The following PDE11A variants were observed in gnomAD, a reference collection of about 807,000 sequenced individuals.
PDE11A encodes phosphodiesterase 11A, also known as dual 3',5'-cyclic-AMP and -GMP phosphodiesterase 11A.
In PDE11A, 100 loss-of-function variants were observed where a neutral mutation model predicts 100.5. The observed-to-expected ratio is 1.00, with a 90% CI of 0.85 to 1.18. The LOEUF is 1.18. PDE11A is among the 50% of genes most tolerant of loss of function. The pLI is 0.00. For missense variants in PDE11A, 1,141 were observed against 1,152.6 expected, an observed-to-expected ratio of 0.99 and a Z score of 0.15; for synonymous variants, 381 against 420.8, an observed-to-expected ratio of 0.91 and a Z score of 1.16.
At chr2:178,086,541 T>C (rs1264351047) in intron 2 of PDE11A, among the ~76,000 whole-genome samples, 1 of 152,242 alleles carries the variant, frequency 6.6e-6, no homozygotes, top group Non-Finnish European at 1.5e-5. Flanking sequence ...CCTATTTTTA[T>C]GATCAAACAG....
intron 2 of PDE11A, among the ~76,000 whole-genome samples, chr2:177,986,837 A>G (rs1476768141): frequency 6.6e-6 from 1 of 151,962 alleles, no homozygotes; most frequent in Non-Finnish European, 1.5e-5. Flanking sequence ...TCTCAAAAAA[A>G]AAAAAAAAGA....
chr2:177,896,548 AACAGTTGCCCCTTCCTGCCT>A (rs2084615156), intron 4 of PDE11A, among the ~76,000 whole-genome samples: 1 of 152,030 alleles, frequency 6.6e-6, no homozygotes, highest in Non-Finnish European at 1.5e-5. Flanking sequence ...CCAAAGCCCC[AACAGTTGCCCCTTCCTGCCT>A]TTGTTTAATG....
chr2:177,835,166 A>G (rs984038363), intron 6 of PDE11A, among the ~76,000 whole-genome samples: 8 of 152,170 alleles, frequency 5.3e-5, no homozygotes, highest in Non-Finnish European at 1.0e-4. Context: ...ACTTGAAGAT[A>G]CAAGGACAGA....
intron 19 of PDE11A, among the ~76,000 whole-genome samples, chr2:177,644,935 T>C (rs1391133215): frequency 6.6e-6 from 1 of 152,242 alleles, no homozygotes; most frequent in African/African-American, 2.4e-5. Flanking sequence ...AATGTGATGC[T>C]CCACCTTGCC....
In PDE11A at chr2:178,072,336, C is replaced by T. The variant is rs1374575371; in HGVS notation, c.102G>A (p.Met34Ile). The T allele has an allele frequency of 1.2e-6, 2 of 1,614,066 alleles. No homozygotes were observed. The highest frequency in any genetic ancestry group is 3.3e-5 in the Admixed American group (2 of 60,006). ...TGTGCCTCTGCAGCCACTTTTCAAC[C>T]ATCTCCTGCTTCCCCTTCCGCATCA... ...DYLMRKGKQE[M>I]VEKWLQRHSQ... The change falls in exon 1 of 20, where the codon ATG becomes ATA. Residue 34 changes from methionine (M) to isoleucine (I), a missense_variant. By Grantham distance (10) the Met-to-Ile change is conservative. Coordinates refer to ENST00000286063, the MANE Select transcript of PDE11A (RefSeq NM_016953.4).
chr2:177,828,854 GA>G (rs1413688948), intron 6 of PDE11A, among the ~76,000 whole-genome samples: 4 of 152,174 alleles, frequency 2.6e-5, no homozygotes, highest in Non-Finnish European at 4.4e-5. Context: ...AGGAGACACT[GA>G]AGAGTGTGTG....
chr2:178,035,483 T>C (rs958707577), intron 1 of PDE11A, among the ~76,000 whole-genome samples: 20 of 152,120 alleles, frequency 1.3e-4, no homozygotes, highest in African/African-American at 4.6e-4. Flanking sequence ...CTGAAACTAT[T>C]CCAATCAATA....
intron 10 of PDE11A, among the ~76,000 whole-genome samples, chr2:177,738,924 G>A (rs1181405317): frequency 6.6e-6 from 1 of 152,208 alleles, no homozygotes; most frequent in Non-Finnish European, 1.5e-5. Context: ...GACCACATGA[G>A]TTGGTTTAGC....
intron 2 of PDE11A, among the ~76,000 whole-genome samples, chr2:177,993,133 A>G (rs977254796): frequency 5.3e-5 from 8 of 152,152 alleles, no homozygotes; most frequent in African/African-American, 1.9e-4. Flanking sequence ...CACCAAGGAA[A>G]TACAGAGCTG....
At position 177,820,210 on chromosome 2, in the gene PDE11A, C is replaced by T. The variant is rs1441770936; in HGVS notation, c.1576+10G>A. ...ATTCAAGAAGTTTAACTATTTAGGT[C>T]ATCTCTTACCAATTATTTGGTGGTT... On this transcript the variant is annotated intron_variant, in intron 7 of 19. Coordinates refer to ENST00000286063, the MANE Select transcript of PDE11A (RefSeq NM_016953.4). 2 of 1,394,426 alleles carry T rather than the reference C, an allele frequency of 1.4e-6. No homozygotes were observed. Among genetic ancestry groups the T allele is most frequent in the Non-Finnish European group, 2.0e-6 (2 of 980,654 alleles). The allele number at this position is 1,394,426 out of a possible 1,614,324, so 86.4% of individuals were successfully genotyped here.
intron 12 of PDE11A, among the ~76,000 whole-genome samples, chr2:177,719,449 G>C (rs2081493178): frequency 1.3e-5 from 2 of 152,148 alleles, no homozygotes; most frequent in African/African-American, 4.8e-5. Context: ...CTAAGGTTGA[G>C]GGACAATATG....
At chr2:177,767,244 C>T (rs1012234711) in intron 10 of PDE11A, among the ~76,000 whole-genome samples, 6 of 152,118 alleles carry the variant, frequency 3.9e-5, no homozygotes. Context: ...GCAGGAGAAT[C>T]ACTTGAACCC....
At chr2:177,908,402 T>C (rs971732835) in intron 2 of PDE11A, among the ~76,000 whole-genome samples, 72 of 151,682 alleles carry the variant, frequency 4.7e-4, no homozygotes, top group African/African-American at 1.7e-3. Context: ...GGCATCAGAG[T>C]GTGGTTATGA....
chr2:177,647,566 T>C (rs931253083), intron 19 of PDE11A, among the ~76,000 whole-genome samples: 1 of 152,218 alleles, frequency 6.6e-6, no homozygotes, highest in African/African-American at 2.4e-5. Flanking sequence ...CATGCAAATA[T>C]GATGACTACT....
At chr2:178,009,825 A>AT (rs2086255833) in intron 2 of PDE11A, among the ~76,000 whole-genome samples, 1 of 152,210 alleles carries the variant, frequency 6.6e-6, no homozygotes, top group Non-Finnish European at 1.5e-5. Context: ...TGATTTACTG[A>AT]TTTCCATATT....
intron 5 of PDE11A, among the ~76,000 whole-genome samples, chr2:177,854,672 C>T (rs114368924): frequency 0.028 from 4,186 of 152,144 alleles, 188 homozygotes; most frequent in African/African-American, 0.096. Flanking sequence ...TAGCGAAAGG[C>T]GGCAGAGAAT....
At chr2:177,706,917 A>T (rs2081289119) in intron 13 of PDE11A, among the ~76,000 whole-genome samples, 1 of 151,410 alleles carries the variant, frequency 6.6e-6, no homozygotes, top group Admixed American at 6.6e-5. Context: ...AAAATTGAGG[A>T]AGTGTAAAAC....
Position 177,850,472 on chromosome 2 carries a change from T to A in PDE11A, c.1368-10089A>T, listed in dbSNP as rs1176909896. On this transcript the variant is annotated intron_variant, in intron 5 of 19. Coordinates refer to ENST00000286063, the MANE Select transcript of PDE11A (RefSeq NM_016953.4). ...GGCAATACCATTCAGGACAGAGGCA[T>A]GGGCAAGGACTTCATGTCTAAAACA... 5.3e-4 allele frequency among the ~76,000 whole-genome samples: 81 copies of A among 152,268 alleles called. 1 individual carries two copies. The highest frequency in any genetic ancestry group is 1.0e-3 in the South Asian group (5 of 4,820).
chr2:177,902,161 G>GA (rs1182368037), intron 3 of PDE11A, among the ~76,000 whole-genome samples: 1 of 152,154 alleles, frequency 6.6e-6, no homozygotes, highest in Non-Finnish European at 1.5e-5. Flanking sequence ...CAAAAGAAGT[G>GA]AAAATAGCCT....
Sources: allele counts gnomAD v4.1 joint callset (sites outside exome capture counted in the v4.1 genomes callset), GRCh38; gene constraint gnomAD v4.1.1; transcripts MANE v1.5; gene names NCBI Gene and HGNC (gene_info 2026-07-23, HGNC 2026-07-21).